Variants in SDK1 observed in about 807,000 individuals in gnomAD.
SDK1 encodes the protein sidekick cell adhesion molecule 1.
Under a neutral mutation model 245.5 loss-of-function variants are expected in SDK1, and 157 were observed. That is an observed-to-expected ratio of 0.64 (90% CI 0.56 to 0.73). The LOEUF (loss-of-function observed/expected upper bound fraction) is 0.73, where lower values mean the gene tolerates loss of function less well. Ranked by LOEUF, SDK1 falls within the 30% of genes least tolerant of loss-of-function variation. The pLI is 0.00. For missense variants in SDK1, 3,583 were observed against 3,002.3 expected (o/e 1.19, Z -4.52); for synonymous variants, 1,647 against 1,278.5 (o/e 1.29, Z -6.15).
intron 19 of SDK1, among the ~76,000 whole-genome samples, chr7:4,063,842 C>T (rs774521358): frequency 4.0e-5 from 6 of 151,850 alleles, no homozygotes; most frequent in African/African-American, 7.3e-5. Context: ...AACTGATTTT[C>T]GATAAAGGTG....
intron 5 of SDK1, among the ~76,000 whole-genome samples, chr7:3,889,702 G>T (rs1037582605): frequency 1.2e-4 from 19 of 152,160 alleles, no homozygotes; most frequent in Non-Finnish European, 7.3e-5. Context: ...TAGAGACAGG[G>T]TTTCATCGTG....
Position 4,051,755 on chromosome 7 carries a change from A to T in SDK1, c.2836A>T (p.Thr946Ser). 6.2e-7 allele frequency: 1 copy of T among 1,613,918 alleles called. No homozygotes were observed. ...CCTGAAGAAGTTTACCGCCTACTTCACTTCCGTTCTGTGCTTCACCACCCC... is the reference window on the plus strand; with the variant it reads ...CCTGAAGAAGTTTACCGCCTACTTCTCTTCCGTTCTGTGCTTCACCACCCC... ...TNLKKFTAYF[T>S]SVLCFTTPGD... The change falls in exon 19 of 45, where the codon ACT becomes TCT. Residue 946 changes from threonine to serine, a missense_variant. Transcript: ENST00000404826.
At chr7:3,822,926 G>A (rs1779682135) in intron 5 of SDK1, among the ~76,000 whole-genome samples, 1 of 152,154 alleles carries the variant, frequency 6.6e-6, no homozygotes, top group African/African-American at 2.4e-5. Flanking sequence ...AGTTAACTGA[G>A]TGGGGTCTCA....
chr7:3,835,671 C>T (rs751913040), intron 5 of SDK1, among the ~76,000 whole-genome samples: 1 of 152,178 alleles, frequency 6.6e-6, no homozygotes, highest in Non-Finnish European at 1.5e-5. Flanking sequence ...GAAATGCATT[C>T]ATTAATTCAT....
chr7:3,398,176 C>T (rs1583798381), intron 1 of SDK1, among the ~76,000 whole-genome samples: 1 of 152,040 alleles, frequency 6.6e-6, no homozygotes, highest in Admixed American at 6.6e-5. Context: ...GCTTTAGTTT[C>T]CCGTAGTATC....
Position 3,446,564 on chromosome 7 carries a change from A to G in SDK1, c.298+144680A>G, listed in dbSNP as rs147363590. On this transcript the variant is annotated intron_variant, in intron 1 of 44. Coordinates refer to ENST00000404826, the MANE Select transcript of SDK1 (RefSeq NM_152744.4). ...CCTTGCAGAAGCTGTATCATGCTAA[A>G]TGTTTTGGATCAATTCAACTCAATT... Among the ~76,000 whole-genome samples, 42 of 152,294 alleles carry G rather than the reference A, an allele frequency of 2.8e-4. No homozygotes were observed. In the Middle Eastern group the frequency reaches 0.01, roughly 37 times the overall value.
chr7:4,147,258 G>A (rs1250988674), intron 29 of SDK1, among the ~76,000 whole-genome samples: 5 of 151,804 alleles, frequency 3.3e-5, no homozygotes, highest in African/African-American at 7.3e-5. Flanking sequence ...ATAGGTCACC[G>A]CAGCCTGGAA....
At chr7:3,668,503 C>T (rs1202107305) in intron 4 of SDK1, among the ~76,000 whole-genome samples, 1 of 152,180 alleles carries the variant, frequency 6.6e-6, no homozygotes, top group Non-Finnish European at 1.5e-5. Flanking sequence ...GGGCCTGGTG[C>T]AGTGGCTCAC....
chr7:3,309,927 A>G (rs1880609), intron 1 of SDK1, among the ~76,000 whole-genome samples: 2,564 of 152,278 alleles, frequency 0.017, 23 homozygotes, highest in Non-Finnish European at 0.029. Context: ...CAAGCTAGAA[A>G]CTCAGTCTGA....
intron 1 of SDK1, among the ~76,000 whole-genome samples, chr7:3,430,864 A>C (rs905940865): frequency 2.0e-5 from 3 of 152,136 alleles, no homozygotes; most frequent in African/African-American, 7.2e-5. Flanking sequence ...ACTTGTATTC[A>C]GCTTTCCTGC....
At chr7:3,335,405 C>T (rs188061205) in intron 1 of SDK1, among the ~76,000 whole-genome samples, 2 of 146,428 alleles carry the variant, frequency 1.4e-5, no homozygotes, top group Admixed American at 1.4e-4. Context: ...GGATAAGATA[C>T]ATAATGGTAC....
At chr7:3,440,022 C>T (rs1159509620) in intron 1 of SDK1, among the ~76,000 whole-genome samples, 1 of 152,150 alleles carries the variant, frequency 6.6e-6, no homozygotes, top group Non-Finnish European at 1.5e-5. Flanking sequence ...TATGCTTTGA[C>T]ATATTCACAG....
chr7:3,587,574 A>C (rs1780731670), intron 1 of SDK1, among the ~76,000 whole-genome samples: 1 of 152,222 alleles, frequency 6.6e-6, no homozygotes, highest in Non-Finnish European at 1.5e-5. Flanking sequence ...GTGTGAATCC[A>C]ACTTTCCTCC....
Position 4,233,181 on chromosome 7 carries a change from G to A in SDK1, c.5828-74G>A, listed in dbSNP as rs1785906755. 1.0e-5 allele frequency: 15 copies of A among 1,446,292 alleles called. No homozygotes were observed. The Admixed American group carries it at 2.5e-4, about 24-fold the overall frequency. The allele number at this position is 1,446,292 out of a possible 1,614,324, so 89.6% of individuals were successfully genotyped here. A position where few individuals can be genotyped will look rare whatever the true frequency, so the allele number is the denominator to read the frequency against. On this transcript the variant is annotated intron_variant, in intron 40 of 44. Transcript: ENST00000404826. ...AGGGCTGCTGCAAGCCGACCCACCA[G>A]GCAGGTGCATGGGGCTCGCATCTGG...
intron 1 of SDK1, among the ~76,000 whole-genome samples, chr7:3,399,792 G>A (rs1778834137): frequency 6.6e-6 from 1 of 152,034 alleles, no homozygotes; most frequent in South Asian, 2.1e-4. Context: ...TCCTCGGCTT[G>A]TATATGGCCC....
At chr7:3,629,921 G>A (rs1352820041) in intron 2 of SDK1, among the ~76,000 whole-genome samples, 3 of 152,158 alleles carry the variant, frequency 2.0e-5, no homozygotes, top group Non-Finnish European at 4.4e-5. Context: ...TATTGCATAT[G>A]ATCAAAGTAG....
intron 1 of SDK1, 45 bp from the exon 2 acceptor site, chr7:3,619,035 C>G (rs777121758): frequency 3.5e-6 from 5 of 1,444,568 alleles, no homozygotes; most frequent in Non-Finnish European, 4.7e-6. Flanking sequence ...GTGCCACTTT[C>G]ATGCGTACTT....
chr7:4,252,409 A>G (rs891655173), intron 44 of SDK1, among the ~76,000 whole-genome samples: 3 of 152,142 alleles, frequency 2.0e-5, no homozygotes, highest in South Asian at 2.1e-4. Flanking sequence ...ATGGCTGCAT[A>G]GTATTCCATG....
At chr7:3,648,392 GT>G (rs1292452876) in intron 4 of SDK1, among the ~76,000 whole-genome samples, 1 of 152,114 alleles carries the variant, frequency 6.6e-6, no homozygotes, top group Non-Finnish European at 1.5e-5. Flanking sequence ...ATTCTTGAAT[GT>G]TTTTTTCCTG....
Sources: allele counts gnomAD v4.1 joint callset (sites outside exome capture counted in the v4.1 genomes callset), GRCh38; gene constraint gnomAD v4.1.1; transcripts MANE v1.5; gene names NCBI Gene and HGNC (gene_info 2026-07-23, HGNC 2026-07-21).